The following KAZN variants were observed in gnomAD, a reference collection of about 807,000 sequenced individuals.
The protein encoded by KAZN is kazrin.
Under a neutral mutation model 87.4 loss-of-function variants are expected in KAZN, and 40 were observed. The observed-to-expected ratio is 0.46, with a 90% CI of 0.36 to 0.60. The LOEUF (loss-of-function observed/expected upper bound fraction) is 0.60. Ranked by LOEUF, KAZN falls within the 20% of genes least tolerant of loss-of-function variation. The pLI is 0.00. For missense variants in KAZN, 898 were observed against 1,073.9 expected (o/e 0.84, Z 2.29); for synonymous variants, 466 against 458.3 (o/e 1.02, Z -0.22).
At chr1:14,393,022 G>A (rs1225131200) in intron 2 of KAZN, among the ~76,000 whole-genome samples, 2 of 152,190 alleles carry the variant, frequency 1.3e-5, no homozygotes, top group East Asian at 3.9e-4. Context: ...GCAAGGGAAA[G>A]ACAGCATTCT....
chr1:14,750,521 A>G (rs1398694996), intron 1 of KAZN, among the ~76,000 whole-genome samples: 3 of 151,920 alleles, frequency 2.0e-5, no homozygotes, highest in Non-Finnish European at 4.4e-5. Context: ...TTTCAAATTC[A>G]TAATCTGGGA....
chr1:15,023,642 G>A (rs879340617), intron 2 of KAZN, among the ~76,000 whole-genome samples: 2 of 152,078 alleles, frequency 1.3e-5, no homozygotes, highest in Non-Finnish European at 2.9e-5. Flanking sequence ...AGGAGTTGTG[G>A]GAGAGAAGCA....
intron 2 of KAZN, among the ~76,000 whole-genome samples, chr1:14,423,926 T>C (rs1269706585): frequency 6.6e-6 from 1 of 151,920 alleles, no homozygotes; most frequent in Non-Finnish European, 1.5e-5. Flanking sequence ...GACTGAGAAT[T>C]AAGCCCAACA....
chr1:15,002,142 AG>A (rs1178395851), intron 2 of KAZN, among the ~76,000 whole-genome samples: 4 of 152,018 alleles, frequency 2.6e-5, no homozygotes, highest in African/African-American at 9.7e-5. Flanking sequence ...GTCCTCCCAA[AG>A]TGCTGGGATT....
rs1314461624 is a variant in KAZN, at chr1:14,885,828, ATTC to A, written c.227-74853_227-74851del. ...TTGCAAAGCCCAGCCTCCCTTAGCCATTCTTTGTAACACTCGTCACTACCTGAA... is the reference window on the plus strand; with the variant it reads ...TTGCAAAGCCCAGCCTCCCTTAGCCATTTGTAACACTCGTCACTACCTGAA... On this transcript the variant is annotated intron_variant, in intron 1 of 14. Transcript: ENST00000376030. Among the ~76,000 whole-genome samples the A allele has an allele frequency of 2.6e-5, 4 of 152,258 alleles. No homozygotes were observed. The East Asian group carries it at 7.7e-4, about 29-fold the overall frequency.
At chr1:15,012,184 T>C (rs1295032898) in intron 2 of KAZN, among the ~76,000 whole-genome samples, 1 of 151,958 alleles carries the variant, frequency 6.6e-6, no homozygotes, top group Non-Finnish European at 1.5e-5. Context: ...ACCCAGCTAG[T>C]GAGTAGAGAA....
At chr1:14,521,807 A>G (rs538726858) in intron 2 of KAZN, among the ~76,000 whole-genome samples, 4 of 152,206 alleles carry the variant, frequency 2.6e-5, no homozygotes, top group Non-Finnish European at 4.4e-5. Flanking sequence ...TTAGGGGTCA[A>G]GTTACCACAT....
At position 14,184,793 on chromosome 1, in the gene KAZN, TAGGG is replaced by T. The variant is rs1646269814; in HGVS notation, c.249+4206_249+4209del. ...AACCTTGGCTCAGGTTCCTGGCAGATAGGGAGGGTTAGCGCCCCAAAGTCAACAT... is the reference window on the plus strand; with the variant it reads ...AACCTTGGCTCAGGTTCCTGGCAGATAGGGTTAGCGCCCCAAAGTCAACAT... On this transcript the variant is annotated intron_variant, in intron 2 of 16. Coordinates refer to the KAZN transcript ENST00000636203. This position sits in a 1 kb window ranked among gnomAD's most constrained non-coding sequence, Gnocchi z 4.2. Among the ~76,000 whole-genome samples, 1 of 152,070 alleles carries T rather than the reference TAGGG, an allele frequency of 6.6e-6. No homozygotes were observed. Among genetic ancestry groups the T allele is most frequent in the Admixed American group, 6.5e-5 (1 of 15,268 alleles).
intron 2 of KAZN, among the ~76,000 whole-genome samples, chr1:15,028,260 C>CA (rs1206140934): frequency 6.6e-6 from 1 of 152,236 alleles, no homozygotes; most frequent in Non-Finnish European, 1.5e-5. Context: ...CATGATCCTG[C>CA]AGGGCCTGCT....
intron 1 of KAZN, among the ~76,000 whole-genome samples, chr1:14,885,694 C>T (rs1403433656): frequency 1.3e-5 from 2 of 152,004 alleles, no homozygotes; most frequent in Non-Finnish European, 2.9e-5. Context: ...GTAAGCAAGT[C>T]CCAGGTAAGA....
intron 2 of KAZN, among the ~76,000 whole-genome samples, chr1:14,214,591 T>C (rs1405707041): frequency 1.3e-5 from 2 of 152,018 alleles, no homozygotes; most frequent in Admixed American, 6.6e-5. Context: ...GACATGAAAA[T>C]AGTAGAATTA....
rs1296714767 is a variant in KAZN, at chr1:14,820,870, G to A, written c.227-139814G>A. Among the ~76,000 whole-genome samples, 2 of 152,128 alleles carry A rather than the reference G, an allele frequency of 1.3e-5. No individual in the cohort carries two copies. Among genetic ancestry groups the A allele is most frequent in the Non-Finnish European group, 2.9e-5 (2 of 68,024 alleles). On this transcript the variant is annotated intron_variant, in intron 1 of 14. Transcript: ENST00000376030. This position sits in a 1 kb window ranked among gnomAD's most constrained non-coding sequence, Gnocchi z 4.1. Reference sequence around the variant, plus strand: ...TACGCCCAAGATGGCCAGGAGAGAAGAGCCGAGGGGCAGGGTGAGCAAAAG... The same window carrying A: ...TACGCCCAAGATGGCCAGGAGAGAAAAGCCGAGGGGCAGGGTGAGCAAAAG...
chr1:14,466,039 A>G (rs2480054), intron 2 of KAZN, among the ~76,000 whole-genome samples: 84,286 of 151,986 alleles, frequency 0.55, 23,591 homozygotes, highest in East Asian at 0.68. Context: ...GGCACACACA[A>G]GCGGCTATAC....
In KAZN at chr1:14,773,859, T is replaced by A. The variant is rs572296880; in HGVS notation, c.226+174636T>A. ...CTCCCCTCCAAAGAAAACACCATCTTTCCAGGACTGATGGCACTGAGGGAA... is the reference window on the plus strand; with the variant it reads ...CTCCCCTCCAAAGAAAACACCATCTATCCAGGACTGATGGCACTGAGGGAA... On this transcript the variant is annotated intron_variant, in intron 1 of 14. Transcript: ENST00000376030. This position sits in a 1 kb window ranked among gnomAD's most constrained non-coding sequence, Gnocchi z 5.9. Among the ~76,000 whole-genome samples, 105 of 152,246 alleles carry A rather than the reference T, an allele frequency of 6.9e-4. No individual in the cohort carries two copies. The highest frequency in any genetic ancestry group is 2.4e-3 in the African/African-American group (98 of 41,550).
chr1:14,198,869 G>A (rs1340742007), intron 2 of KAZN, among the ~76,000 whole-genome samples: 1 of 152,100 alleles, frequency 6.6e-6, no homozygotes, highest in African/African-American at 2.4e-5. Flanking sequence ...GGTTAAATAA[G>A]TTACTGGAGG....
At chr1:14,830,771 T>C (rs1053146048) in intron 1 of KAZN, among the ~76,000 whole-genome samples, 1 of 152,134 alleles carries the variant, frequency 6.6e-6, no homozygotes, top group African/African-American at 2.4e-5. Flanking sequence ...ACCACCACCA[T>C]GATCTAATCA....
intron 2 of KAZN, among the ~76,000 whole-genome samples, chr1:14,572,085 G>A (rs1054106205): frequency 3.3e-5 from 5 of 152,170 alleles, no homozygotes; most frequent in South Asian, 4.1e-4. Flanking sequence ...CGTTCCCACC[G>A]CCGCTCTGGG....
intron 3 of KAZN, among the ~76,000 whole-genome samples, chr1:15,036,469 C>T (rs1056264749): frequency 1.3e-4 from 19 of 151,354 alleles, no homozygotes; most frequent in African/African-American, 4.6e-4. Context: ...CTGAGCCTCC[C>T]CATGCCTGTC....
At chr1:14,813,692 T>C in intron 1 of KAZN, among the ~76,000 whole-genome samples, 1 of 152,238 alleles carries the variant, frequency 6.6e-6, no homozygotes. Context: ...TTTGTGACCA[T>C]GGGAAGTTGT....
Sources: gnomAD v4.1 joint callset for allele counts (sites outside exome capture counted in the v4.1 genomes callset) on GRCh38, gnomAD v4.1.1 for gene constraint, Gnocchi (gnomAD v3.1) non-coding constraint, MANE v1.5 for transcripts, NCBI Gene and HGNC (gene_info 2026-07-23, HGNC 2026-07-21) for gene names.